Variants in NOS1 observed in about 807,000 individuals in gnomAD.
NOS1 encodes the protein NOS type I.
NOS1 carries 51 observed loss-of-function variants against 164.5 expected under a neutral mutation model. The ratio of observed to expected loss-of-function variants is 0.31; its 90% CI spans 0.25 to 0.39. NOS1 has a LOEUF of 0.39. Among genes scored for constraint, NOS1 ranks in the 10% least tolerant of loss-of-function variants. The probability of loss-of-function intolerance (pLI) is 1.00; values close to 1 mark genes in which losing one functional copy is unlikely to be tolerated. For missense variants in NOS1, 1,362 were observed against 1,885.6 expected (o/e 0.72, Z 5.14); for synonymous variants, 719 against 745.8 (o/e 0.96, Z 0.59).
intron 1 of NOS1, among the ~76,000 whole-genome samples, chr12:117,360,409 A>G (rs957300443): frequency 6.6e-6 from 1 of 152,164 alleles, no homozygotes; most frequent in African/African-American, 2.4e-5. Flanking sequence ...AAGCAACCTC[A>G]TCGAGCGCTC....
intron 3 of NOS1, among the ~76,000 whole-genome samples, chr12:117,294,537 T>C (rs2136031976): frequency 6.6e-6 from 1 of 152,230 alleles, no homozygotes; most frequent in Admixed American, 6.5e-5. Context: ...ACTTGGCACT[T>C]TGATGTTTTA....
At position 117,331,430 on chromosome 12, in the gene NOS1, T is replaced by TC. The variant is rs1240570373; in HGVS notation, c.-362_-361insG. Reference sequence around the variant, plus strand: ...AGTGACGCATGATAGATGTGAACTATTCTCTGGGTATCTTCATTGCCAGCC... The same window carrying TC: ...AGTGACGCATGATAGATGTGAACTATCTCTCTGGGTATCTTCATTGCCAGCC... On this transcript the variant is annotated 5_prime_UTR_variant, in exon 2 of 29. It removes the in-frame stop codon of an upstream open reading frame in the 5' UTR. Transcript: ENST00000317775. 5 of 225,278 alleles carry TC rather than the reference T, an allele frequency of 2.2e-5. No individual in the cohort carries two copies. The Admixed American group carries it at 2.5e-4, about 11-fold the overall frequency. The allele number at this position is 225,278 out of a possible 1,614,324, so 14.0% of individuals were successfully genotyped here.
At chr12:117,354,654 G>T (rs559463863) in intron 1 of NOS1, among the ~76,000 whole-genome samples, 1 of 152,262 alleles carries the variant, frequency 6.6e-6, no homozygotes, top group East Asian at 1.9e-4. Context: ...TGTGATCCAT[G>T]TGGCTGTTTT....
intron 2 of NOS1, among the ~76,000 whole-genome samples, chr12:117,328,408 A>T (rs1277475905): frequency 1.3e-5 from 2 of 152,132 alleles, no homozygotes; most frequent in African/African-American, 2.4e-5. Context: ...ACCTCAGGTG[A>T]TCTGCTCGTC....
chr12:117,254,803 T>A (rs546470424), intron 16 of NOS1, among the ~76,000 whole-genome samples: 2 of 152,310 alleles, frequency 1.3e-5, no homozygotes, highest in African/African-American at 2.4e-5. Context: ...AGCACAGATA[T>A]AGAACATTTA....
intron 17 of NOS1, among the ~76,000 whole-genome samples, chr12:117,249,337 T>C (rs1019213590): frequency 1.3e-5 from 2 of 152,178 alleles, no homozygotes; most frequent in Non-Finnish European, 2.9e-5. Context: ...ATCAGGAGAA[T>C]ATTCTAATTG....
chr12:117,335,299 G>C (rs903858821), intron 1 of NOS1, among the ~76,000 whole-genome samples: 4 of 152,136 alleles, frequency 2.6e-5, no homozygotes, highest in Non-Finnish European at 4.4e-5. Flanking sequence ...GCACCGTCTA[G>C]GGAGAGACGG....
chr12:117,272,620 G>C lies in NOS1; in HGVS notation c.1665-61C>G. The C allele has an allele frequency of 6.7e-7, 1 of 1,490,038 alleles. No homozygotes were observed. The highest frequency in any genetic ancestry group is 2.3e-5 in the East Asian group (1 of 44,036). 92.3% of individuals were successfully genotyped at this position (1,490,038 alleles called of 1,614,324 possible). A position where few individuals can be genotyped will look rare whatever the true frequency, so the allele number is the denominator to read the frequency against. Reference sequence around the variant, plus strand: ...AGGTGTCTCATGGGCGGGACAGCTTGAATCTAGAGATGCTGAAATGCCAAG... The same window carrying C: ...AGGTGTCTCATGGGCGGGACAGCTTCAATCTAGAGATGCTGAAATGCCAAG... On this transcript the variant is annotated intron_variant, in intron 9 of 28. Transcript: ENST00000317775. The surrounding 1 kb of genome is among the most constrained non-coding windows in gnomAD (Gnocchi z 4.3).
chr12:117,345,809 T>C (rs1288889942), intron 1 of NOS1, among the ~76,000 whole-genome samples: 1 of 152,038 alleles, frequency 6.6e-6, no homozygotes, highest in African/African-American at 2.4e-5. Flanking sequence ...CAGTGAGCCA[T>C]TATTGTGCCA....
At chr12:117,296,619 C>T (rs1036964826) in intron 3 of NOS1, among the ~76,000 whole-genome samples, 3 of 149,226 alleles carry the variant, frequency 2.0e-5, no homozygotes, top group Non-Finnish European at 3.0e-5. Context: ...TGGGACCTCA[C>T]CTTGTGTTCG....
rs182344420 is a variant in NOS1 at position 117,356,799 on chromosome 12, G to A, written c.-421+4713C>T. Among the ~76,000 whole-genome samples, 2 of 152,244 alleles carry A rather than the reference G, an allele frequency of 1.3e-5. No individual in the cohort carries two copies. Among genetic ancestry groups the A allele is most frequent in the Admixed American group, 6.5e-5 (1 of 15,302 alleles). ...CACGTCATTTTCATTTAAAAGATTC[G>A]AATGGGCTCAATTTTCCAGCATTGC... is the stretch of plus-strand genomic sequence containing the variant. On this transcript the variant is annotated intron_variant, in intron 1 of 28. Coordinates refer to ENST00000317775, the MANE Select transcript of NOS1 (RefSeq NM_000620.5). This position sits in a 1 kb window ranked among gnomAD's most constrained non-coding sequence, Gnocchi z 4.2.
rs767460807 is a variant in NOS1 at position 117,258,474 on chromosome 12, G to A, written c.2473-19C>T. 6.2e-7 allele frequency: 1 copy of A among 1,613,246 alleles called. No individual in the cohort carries two copies. Among genetic ancestry groups the A allele is most frequent in the Admixed American group, 1.7e-5 (1 of 60,000 alleles). ...CGAATTTCTGGAAGCCAAAACATAT[G>A]GGTGAAATTAGCACATCTTAGTAAA... On this transcript the variant is annotated intron_variant, in intron 15 of 28. Transcript: ENST00000317775.
At chr12:117,262,948 C>G (rs1872059971) in intron 13 of NOS1, among the ~76,000 whole-genome samples, 2 of 152,072 alleles carry the variant, frequency 1.3e-5, no homozygotes, top group African/African-American at 4.8e-5. Flanking sequence ...TTCTTTAGCT[C>G]AATTGTCACC....
intron 16 of NOS1, among the ~76,000 whole-genome samples, chr12:117,255,404 TAA>T (rs972541265): frequency 6.6e-6 from 1 of 151,506 alleles, no homozygotes; most frequent in African/African-American, 2.4e-5. Context: ...ATGAGAAAAT[TAA>T]AAAAAGAGAG....
chr12:117,293,774 C>T lies in NOS1; in HGVS notation c.853-3348G>A, dbSNP rs531009243. 2.0e-5 allele frequency among the ~76,000 whole-genome samples: 3 copies of T among 152,134 alleles called. No individual in the cohort carries two copies. The South Asian group carries it at 6.2e-4, about 32-fold the overall frequency. ...ATTATTACTTCTGCAAGTATTACTACTACACTACCACACTGGGAGCATGAT... is the reference window on the plus strand; with the variant it reads ...ATTATTACTTCTGCAAGTATTACTATTACACTACCACACTGGGAGCATGAT... On this transcript the variant is annotated intron_variant, in intron 3 of 28. Transcript: ENST00000317775.
chr12:117,214,085 C>A lies in NOS1; in HGVS notation c.*1224G>T, dbSNP rs766898679. On this transcript the variant is annotated 3_prime_UTR_variant, in exon 29 of 29. Coordinates refer to ENST00000317775, the MANE Select transcript of NOS1 (RefSeq NM_000620.5). ...TCCCACCCCAAGTTGTGGCTCCTAT[C>A]GAAGAAGCCACGTGGGACCTCATTA... 1 of 985,278 alleles carries A rather than the reference C, an allele frequency of 1.0e-6. No individual in the cohort carries two copies. The highest frequency in any genetic ancestry group is 1.2e-6 in the Non-Finnish European group (1 of 829,946). 61.0% of individuals were successfully genotyped at this position (985,278 alleles called of 1,614,324 possible). A position where few individuals can be genotyped will look rare whatever the true frequency, so the allele number is the denominator to read the frequency against.
rs113396703 is a variant in NOS1 at position 117,356,668 on chromosome 12, G to T, written c.-421+4844C>A. ...TGACGTCTGCTGCCGAACAGCCCACGATAACTGCTGTTCATCCTTAGCATC... is the reference window on the plus strand; with the variant it reads ...TGACGTCTGCTGCCGAACAGCCCACTATAACTGCTGTTCATCCTTAGCATC... On this transcript the variant is annotated intron_variant, in intron 1 of 28. Coordinates refer to ENST00000317775, the MANE Select transcript of NOS1 (RefSeq NM_000620.5). This position sits in a 1 kb window ranked among gnomAD's most constrained non-coding sequence, Gnocchi z 4.2. 6.6e-6 allele frequency among the ~76,000 whole-genome samples: 1 copy of T among 152,310 alleles called. No homozygotes were observed. Among genetic ancestry groups the T allele is most frequent in the South Asian group, 2.1e-4 (1 of 4,826 alleles).
At position 117,330,925 on chromosome 12, in the gene NOS1, C is replaced by T; in HGVS notation, c.145G>A (p.Gly49Arg). The change falls in exon 2 of 29, where the codon GGG (glycine) becomes AGG (arginine). Residue 49 changes from glycine (G) to arginine (R), a missense_variant. Transcript: ENST00000317775. The surrounding 1 kb of genome is among the most constrained non-coding windows in gnomAD (Gnocchi z 4.6). ...PPVIISDLIR[G>R]GAAEQSGLIQ... ...AGGCCACTCTGCTCTGCGGCGCCCC[C>T]ACGAATCAGGTCAGAGATGATCACG... 6.2e-7 allele frequency: 1 copy of T among 1,614,180 alleles called. No individual in the cohort carries two copies.
rs1007157193 is a variant in NOS1 at position 117,213,157 on chromosome 12, A to G, written c.*2152T>C. 35 of 985,356 alleles carry G rather than the reference A, an allele frequency of 3.6e-5. No individual in the cohort carries two copies. In the Admixed American group the frequency reaches 2.2e-3, roughly 61 times the overall value. 61.0% of individuals were successfully genotyped at this position (985,356 alleles called of 1,614,324 possible). A position where few individuals can be genotyped will look rare whatever the true frequency, so the allele number is the denominator to read the frequency against. On this transcript the variant is annotated 3_prime_UTR_variant, in exon 29 of 29. Transcript: ENST00000317775. ...CCCTGATGGAAAAGCATTCCTGCAT[A>G]AAGCTTGACTTGGAGTGGGAAGCAC...
Sources: gnomAD v4.1 joint callset for allele counts (sites outside exome capture counted in the v4.1 genomes callset) on GRCh38, gnomAD v4.1.1 for gene constraint, Gnocchi (gnomAD v3.1) non-coding constraint, MANE v1.5 for transcripts, NCBI Gene and HGNC (gene_info 2026-07-23, HGNC 2026-07-21) for gene names.